SLC9A7: variants seen among roughly 807,000 people sequenced by gnomAD.
The protein encoded by SLC9A7 is solute carrier family 9 member A7, also known as sodium/hydrogen exchanger 7.
In SLC9A7, 19 loss-of-function variants were observed where a neutral mutation model predicts 52.6. That is an observed-to-expected ratio of 0.36 (90% CI 0.25 to 0.53). The LOEUF (loss-of-function observed/expected upper bound fraction) is 0.53. SLC9A7 is among the 20% of genes least tolerant of loss of function. The pLI, the probability that SLC9A7 is intolerant of heterozygous loss-of-function variation, is 0.91. For synonymous variants in SLC9A7, 226 were observed against 252.1 expected, an observed-to-expected ratio of 0.90 and a Z score of 0.98; for missense variants, 455 against 597.9, an observed-to-expected ratio of 0.76 and a Z score of 2.49.
At chrX:46,718,392 G>C (rs1188680313) in intron 1 of SLC9A7, among the ~76,000 whole-genome samples, 1 of 111,943 alleles carries the variant, frequency 8.9e-6, no homozygotes, top group African/African-American at 3.3e-5. Flanking sequence ...CCTGGGCAAG[G>C]ACTTCATGTC....
At chrX:46,666,617 A>G (rs1218734780) in intron 5 of SLC9A7, among the ~76,000 whole-genome samples, 1 of 112,396 alleles carries the variant, frequency 8.9e-6, no homozygotes, top group African/African-American at 3.2e-5. Context: ...CATAGGCCAA[A>G]TGAAAATGGA....
chrX:46,732,361 G>A (rs1418905058), intron 1 of SLC9A7, among the ~76,000 whole-genome samples: 1 of 110,700 alleles, frequency 9.0e-6, no homozygotes, highest in Non-Finnish European at 1.9e-5. Flanking sequence ...AGAACAGCCT[G>A]GCCAACATGG....
At chrX:46,635,555 CA>C in intron 13 of SLC9A7, 33 bp downstream of exon 13, 1 of 1,113,116 alleles carries the variant, frequency 9.0e-7, no homozygotes, top group Non-Finnish European at 1.2e-6. Context: ...AAGCCAGGCC[CA>C]GTTAATTTTT....
intron 1 of SLC9A7, among the ~76,000 whole-genome samples, chrX:46,734,436 A>G (rs1348545665): frequency 8.9e-6 from 1 of 112,536 alleles, no homozygotes; most frequent in Non-Finnish European, 1.9e-5. Context: ...ATTAAAGTGG[A>G]CACATCTAAA....
chrX:46,680,896 G>A (rs750879188), intron 2 of SLC9A7, among the ~76,000 whole-genome samples: 2 of 112,192 alleles, frequency 1.8e-5, no homozygotes, highest in East Asian at 5.6e-4. Context: ...AGATAAGAGT[G>A]TTCTGCAAAG....
intron 1 of SLC9A7, among the ~76,000 whole-genome samples, chrX:46,750,551 C>T (rs1220388756): frequency 1.8e-5 from 2 of 111,191 alleles, no homozygotes; most frequent in Non-Finnish European, 3.8e-5. Flanking sequence ...GGTTTTGCCA[C>T]GTTGCCCAGG....
In SLC9A7 at chrX:46,601,055, C is replaced by G. The variant is rs1488181911; in HGVS notation, c.*5897G>C. ...TATAGAATCAACATCAAAAGGCAGA[C>G]AAGAAACTTGTCAAGTTCCCCACTT... On this transcript the variant is annotated 3_prime_UTR_variant, in exon 17 of 17. Coordinates refer to ENST00000616978, the MANE Select transcript of SLC9A7 (RefSeq NM_001257291.2). The G allele has an allele frequency of 8.9e-6, 1 of 112,442 alleles. No homozygotes were observed. The highest frequency in any genetic ancestry group is 3.2e-5 in the African/African-American group (1 of 30,944). The allele number at this position is 112,442 out of a possible 1,213,427, so 9.3% of individuals were successfully genotyped here.
At chrX:46,654,889 A>G (rs1943645599) in intron 7 of SLC9A7, among the ~76,000 whole-genome samples, 1 of 110,813 alleles carries the variant, frequency 9.0e-6, no homozygotes, top group African/African-American at 3.3e-5. Flanking sequence ...CCAATGTGGT[A>G]GCTGAACACT....
intron 1 of SLC9A7, among the ~76,000 whole-genome samples, chrX:46,704,575 T>C (rs143134283): frequency 0.013 from 1,466 of 112,346 alleles, 20 homozygotes; most frequent in African/African-American, 0.045. Context: ...CCTTTATGCA[T>C]TTACAAAGAC....
chrX:46,695,164 T>C (rs953870678), intron 1 of SLC9A7, among the ~76,000 whole-genome samples: 1 of 112,610 alleles, frequency 8.9e-6, no homozygotes, highest in Non-Finnish European at 1.9e-5. Context: ...ATCACTGAAA[T>C]TGTATACATG....
intron 1 of SLC9A7, among the ~76,000 whole-genome samples, chrX:46,724,767 C>G (rs1453497747): frequency 9.0e-6 from 1 of 111,586 alleles, no homozygotes; most frequent in Non-Finnish European, 1.9e-5. Flanking sequence ...ATAATATGAA[C>G]AGCCCCAATA....
chrX:46,630,508 C>T (rs1253290013), intron 14 of SLC9A7, among the ~76,000 whole-genome samples: 1 of 112,272 alleles, frequency 8.9e-6, no homozygotes, highest in Non-Finnish European at 1.9e-5. Context: ...GCATTCAATG[C>T]TGAACGACAT....
chrX:46,756,464 T>C (rs1922674697), intron 1 of SLC9A7, among the ~76,000 whole-genome samples: 1 of 112,236 alleles, frequency 8.9e-6, no homozygotes, highest in African/African-American at 3.2e-5. Context: ...TTTAAAAGAT[T>C]TGCAAACTGA....
chrX:46,616,434 G>C (rs1349808273), intron 15 of SLC9A7, among the ~76,000 whole-genome samples: 2 of 110,495 alleles, frequency 1.8e-5, no homozygotes, highest in Admixed American at 9.6e-5. Flanking sequence ...GGAGAACCAA[G>C]CAAAGTGGTT....
intron 1 of SLC9A7, among the ~76,000 whole-genome samples, chrX:46,717,840 G>A (rs1317353020): frequency 1.3e-4 from 15 of 111,711 alleles, no homozygotes. Flanking sequence ...TGGATAGGAA[G>A]AATCAATATC....
At chrX:46,705,391 A>G (rs916890586) in intron 1 of SLC9A7, among the ~76,000 whole-genome samples, 5 of 112,382 alleles carry the variant, frequency 4.4e-5, no homozygotes, top group African/African-American at 1.3e-4. Flanking sequence ...CAAGAGCTTT[A>G]TCAAGCTTTC....
chrX:46,713,212 A>AAGGCAGGCT (rs1173863099), intron 1 of SLC9A7, among the ~76,000 whole-genome samples: 14 of 111,984 alleles, frequency 1.3e-4, no homozygotes, highest in Non-Finnish European at 1.9e-4. Context: ...GAAAATGCAC[A>AAGGCAGGCT]AGGCAGGCTG....
intron 11 of SLC9A7, among the ~76,000 whole-genome samples, chrX:46,644,445 G>A (rs947530374): frequency 2.7e-5 from 3 of 111,689 alleles, no homozygotes; most frequent in Non-Finnish European, 5.6e-5. Flanking sequence ...AGACCAGCCT[G>A]GCCAACATGG....
At position 46,703,888 on chromosome X, in the gene SLC9A7, T is replaced by C. The variant is rs147639555; in HGVS notation, c.326-21353A>G. Among the ~76,000 whole-genome samples the C allele has an allele frequency of 1.5e-3, 173 of 112,183 alleles. 1 individual carries two copies. The South Asian group carries it at 0.041, about 27-fold the overall frequency. ...GTGGAAGGGCATTTACAAGAAAATG[T>C]AACAGTGGCTCTCTCTAAGGAGAGG... is the stretch of plus-strand genomic sequence containing the variant. On this transcript the variant is annotated intron_variant, in intron 1 of 16. Transcript: ENST00000616978.
Sources: gnomAD v4.1 joint callset for allele counts (sites outside exome capture counted in the v4.1 genomes callset) on GRCh38, gnomAD v4.1.1 for gene constraint, MANE v1.5 for transcripts, NCBI Gene and HGNC (gene_info 2026-07-23, HGNC 2026-07-21) for gene names.